Variants in SCFD2 observed in about 807,000 individuals in gnomAD.
SCFD2 encodes the protein sec1 family domain-containing protein 2.
A neutral mutation model predicts 58.9 loss-of-function variants in SCFD2; 54 were observed. The observed-to-expected ratio is 0.92, with a 90% confidence interval of 0.74 to 1.15. The LOEUF (loss-of-function observed/expected upper bound fraction) is 1.15, where lower values mean the gene tolerates loss of function less well. Ranked by LOEUF, SCFD2 falls within the 50% of genes most tolerant of loss-of-function variation. SCFD2 has a pLI of 0.00. For missense variants in SCFD2, 805 were observed against 836.6 expected (o/e 0.96, Z 0.47); for synonymous variants, 321 against 335.9 (o/e 0.96, Z 0.49).
intron 6 of SCFD2, among the ~76,000 whole-genome samples, chr4:52,918,252 T>C (rs1238041696): frequency 6.6e-6 from 1 of 152,236 alleles, no homozygotes; most frequent in Non-Finnish European, 1.5e-5. Flanking sequence ...AGCTGGACTC[T>C]GAGTCTAGTC....
chr4:53,188,418 GGTGTGTGTGTGTGT>G lies in SCFD2; in HGVS notation c.1312-42850_1312-42837del, dbSNP rs56120914. Among the ~76,000 whole-genome samples the G allele has an allele frequency of 6.3e-3, 904 of 143,554 alleles. 25 individuals are homozygous for G. The highest frequency in any genetic ancestry group is 0.052 in the Admixed American group (746 of 14,382). The allele number at this position is 143,554 out of a possible 152,430, so 94.2% of individuals were successfully genotyped here. A position where few individuals can be genotyped will look rare whatever the true frequency, so the allele number is the denominator to read the frequency against. On this transcript the variant is annotated intron_variant, in intron 4 of 8. Coordinates refer to ENST00000401642, the MANE Select transcript of SCFD2 (RefSeq NM_152540.4). ...GACAAAGTCCTCACACTTCAAAACT[GGTGTGTGTGTGTGT>G]GTGTGTGTGTGTGTGTGTGTGTGTG...
At chr4:53,092,156 A>T (rs1724488749) in intron 5 of SCFD2, among the ~76,000 whole-genome samples, 1 of 152,216 alleles carries the variant, frequency 6.6e-6, no homozygotes, top group African/African-American at 2.4e-5. Context: ...TTTACAGAAT[A>T]CAATAGGCCA....
chr4:53,264,238 A>G (rs1730915610), intron 4 of SCFD2, among the ~76,000 whole-genome samples: 2 of 152,160 alleles, frequency 1.3e-5, no homozygotes, highest in African/African-American at 2.4e-5. Flanking sequence ...TCCACTGAGA[A>G]AGCAAGCAGA....
At chr4:53,213,919 C>T (rs374445720) in intron 4 of SCFD2, among the ~76,000 whole-genome samples, 10 of 151,976 alleles carry the variant, frequency 6.6e-5, no homozygotes, top group Admixed American at 6.6e-4. Flanking sequence ...GGTTTTTTGT[C>T]CTTGCGATAG....
intron 5 of SCFD2, among the ~76,000 whole-genome samples, chr4:53,008,475 C>T (rs1722028092): frequency 6.6e-6 from 1 of 152,154 alleles, no homozygotes; most frequent in African/African-American, 2.4e-5. Context: ...TATTCTAAGA[C>T]TTAGTTTTTA....
chr4:52,984,531 A>G (rs998666562), intron 5 of SCFD2, among the ~76,000 whole-genome samples: 6 of 152,226 alleles, frequency 3.9e-5, no homozygotes, highest in Admixed American at 3.9e-4. Flanking sequence ...AAGAGCTTAC[A>G]AAGGTTTAAG....
intron 5 of SCFD2, among the ~76,000 whole-genome samples, chr4:53,084,086 A>G (rs1724230870): frequency 6.6e-6 from 1 of 152,106 alleles, no homozygotes; most frequent in Non-Finnish European, 1.5e-5. Context: ...TCTGACCACA[A>G]ATTTACCAGG....
chr4:52,996,238 T>C (rs1018017598), intron 5 of SCFD2, among the ~76,000 whole-genome samples: 2 of 152,102 alleles, frequency 1.3e-5, no homozygotes, highest in Non-Finnish European at 2.9e-5. Context: ...CCTTTCCAAG[T>C]CTCTCTAGCC....
intron 8 of SCFD2, among the ~76,000 whole-genome samples, chr4:52,874,402 A>C (rs1166850121): frequency 6.6e-6 from 1 of 152,220 alleles, no homozygotes; most frequent in Non-Finnish European, 1.5e-5. Context: ...ACTGGATCAT[A>C]TTCTTGCTTT....
intron 5 of SCFD2, among the ~76,000 whole-genome samples, chr4:53,056,855 A>G (rs2148836690): frequency 6.6e-6 from 1 of 152,212 alleles, no homozygotes; most frequent in East Asian, 1.9e-4. Context: ...ATGAGGAAGG[A>G]GATACTGGGA....
Position 53,014,364 on chromosome 4 carries a change from T to C in SCFD2, c.1562-93494A>G, listed in dbSNP as rs557123127. Among the ~76,000 whole-genome samples the C allele has an allele frequency of 9.8e-5, 15 of 152,330 alleles. No individual in the cohort carries two copies. In the South Asian group the frequency reaches 2.9e-3, roughly 29 times the overall value. ...AGGGATTATAGTCAGAGTCTCTGAT[T>C]TTCACTGGCCACACCTAAAATCCAT... On this transcript the variant is annotated intron_variant, in intron 5 of 8. Coordinates refer to ENST00000401642, the MANE Select transcript of SCFD2 (RefSeq NM_152540.4).
chr4:53,289,021 A>T (rs2149084299), intron 3 of SCFD2, among the ~76,000 whole-genome samples: 2 of 152,356 alleles, frequency 1.3e-5, no homozygotes, highest in South Asian at 4.1e-4. Context: ...ATAGGGAGTA[A>T]AAGTCCAGAC....
chr4:52,998,289 A>T (rs570618974), intron 5 of SCFD2, among the ~76,000 whole-genome samples: 42 of 152,384 alleles, frequency 2.8e-4, no homozygotes, highest in Non-Finnish European at 5.3e-4. Context: ...GTGTGAGGTC[A>T]GACAGACATA....
At chr4:53,230,538 C>A (rs577772335) in intron 4 of SCFD2, among the ~76,000 whole-genome samples, 1 of 147,422 alleles carries the variant, frequency 6.8e-6, no homozygotes, top group Admixed American at 7.0e-5. Context: ...AACCAAACAC[C>A]GCATGTTCTC....
At chr4:53,338,111 C>T (rs576079832) in intron 2 of SCFD2, among the ~76,000 whole-genome samples, 1 of 152,294 alleles carries the variant, frequency 6.6e-6, no homozygotes, top group Admixed American at 6.5e-5. Flanking sequence ...ATGAACCAGC[C>T]TTGCTGATAC....
At chr4:53,040,758 C>T (rs1722878248) in intron 5 of SCFD2, among the ~76,000 whole-genome samples, 1 of 152,164 alleles carries the variant, frequency 6.6e-6, no homozygotes, top group African/African-American at 2.4e-5. Context: ...GAACTTCCAG[C>T]ATTGTCGATA....
chr4:52,927,142 T>C (rs1719882246), intron 5 of SCFD2, among the ~76,000 whole-genome samples: 2 of 152,120 alleles, frequency 1.3e-5, no homozygotes, highest in Admixed American at 1.3e-4. Context: ...GGAAAAGTCA[T>C]TAAAAGAGGA....
At chr4:53,015,158 G>A (rs867868743) in intron 5 of SCFD2, among the ~76,000 whole-genome samples, 3 of 152,132 alleles carry the variant, frequency 2.0e-5, no homozygotes, top group Admixed American at 1.3e-4. Flanking sequence ...ATTAAGCAAA[G>A]CTCACTATAT....
At chr4:53,336,361 A>G (rs1208729581) in intron 2 of SCFD2, among the ~76,000 whole-genome samples, 1 of 152,166 alleles carries the variant, frequency 6.6e-6, no homozygotes, top group Non-Finnish European at 1.5e-5. Context: ...GTACAAATAT[A>G]AAGACTGCTT....
Sources: allele counts gnomAD v4.1 joint callset (sites outside exome capture counted in the v4.1 genomes callset), GRCh38; gene constraint gnomAD v4.1.1; transcripts MANE v1.5; gene names NCBI Gene and HGNC (gene_info 2026-07-23, HGNC 2026-07-21).